The following CNTNAP2 variants were observed in gnomAD, a reference collection of about 807,000 sequenced individuals.
The protein encoded by CNTNAP2 is contactin-associated protein-like 2.
Under a neutral mutation model 155.2 loss-of-function variants are expected in CNTNAP2, and 98 were observed. That is an observed-to-expected ratio of 0.63 (90% confidence interval 0.54 to 0.75). The LOEUF is 0.75. CNTNAP2 is among the 30% of genes least tolerant of loss of function. CNTNAP2 has a pLI of 0.00. For missense variants in CNTNAP2, 1,727 were observed against 1,688.1 expected (o/e 1.02, Z -0.40); for synonymous variants, 651 against 631.2 (o/e 1.03, Z -0.47).
chr7:147,961,926 T>C (rs1285674549), intron 14 of CNTNAP2, among the ~76,000 whole-genome samples: 3 of 152,144 alleles, frequency 2.0e-5, no homozygotes, highest in Non-Finnish European at 4.4e-5. Flanking sequence ...ACTGTAGGAT[T>C]GCAATACTAG....
intron 9 of CNTNAP2, among the ~76,000 whole-genome samples, chr7:147,323,491 T>G: frequency 6.8e-6 from 1 of 147,592 alleles, no homozygotes. Flanking sequence ...GAGCTTTACT[T>G]CCGACTATGT....
At chr7:148,351,769 G>GAAAAAAAAAAAAA (rs1798431962) in intron 21 of CNTNAP2, among the ~76,000 whole-genome samples, 1 of 136,300 alleles carries the variant, frequency 7.3e-6, no homozygotes, top group African/African-American at 2.8e-5. Flanking sequence ...AATAGAAACC[G>GAAAAAAAAAAAAA]AGACTCACAG....
chr7:147,289,424 C>A (rs1010680569), intron 8 of CNTNAP2, among the ~76,000 whole-genome samples: 2 of 145,860 alleles, frequency 1.4e-5, no homozygotes, highest in African/African-American at 2.5e-5. Context: ...ACAGGAGAGA[C>A]AATTGGGGAG....
intron 10 of CNTNAP2, among the ~76,000 whole-genome samples, chr7:147,470,950 G>A (rs1173409325): frequency 2.0e-5 from 3 of 152,150 alleles, no homozygotes; most frequent in Admixed American, 2.0e-4. Context: ...TGAAGATTGA[G>A]CCGGCAGCAA....
chr7:146,259,337 A>C (rs915931691), intron 1 of CNTNAP2, among the ~76,000 whole-genome samples: 1 of 152,142 alleles, frequency 6.6e-6, no homozygotes, highest in Non-Finnish European at 1.5e-5. Context: ...TAACTTTGGA[A>C]CTGGGTAACA....
Position 147,541,132 on chromosome 7 carries a change from CAGTT to C in CNTNAP2, c.1778-21003_1778-21000del, listed in dbSNP as rs1799631773. Among the ~76,000 whole-genome samples the C allele has an allele frequency of 3.9e-5, 6 of 152,232 alleles. No individual in the cohort carries two copies. The South Asian group carries it at 1.2e-3, about 32-fold the overall frequency. On this transcript the variant is annotated intron_variant, in intron 11 of 23. Coordinates refer to ENST00000361727, the MANE Select transcript of CNTNAP2 (RefSeq NM_014141.6). ...ATACGATATAGGGGGAAGATGGTAA[CAGTT>C]AGAACACCCAAATTCTGGTCTGGTA...
intron 14 of CNTNAP2, among the ~76,000 whole-genome samples, chr7:147,960,024 C>A (rs1801088030): frequency 6.6e-6 from 1 of 152,126 alleles, no homozygotes; most frequent in Non-Finnish European, 1.5e-5. Context: ...TCGACTCTCT[C>A]CTTCCTTTAG....
At chr7:147,372,285 C>T (rs1368697937) in intron 9 of CNTNAP2, among the ~76,000 whole-genome samples, 1 of 152,134 alleles carries the variant, frequency 6.6e-6, no homozygotes, top group Non-Finnish European at 1.5e-5. Context: ...AGAGTAAAAA[C>T]AGCTTACCCT....
In CNTNAP2 at chr7:148,347,587, C is replaced by A. The variant is rs557289419; in HGVS notation, c.3476-36062C>A. ...CACCAAGATAATAAATTAGGCCTTT[C>A]AGAGCCAAAATTATATTATCTAGGG... On this transcript the variant is annotated intron_variant, in intron 21 of 23. Coordinates refer to ENST00000361727, the MANE Select transcript of CNTNAP2 (RefSeq NM_014141.6). 4.6e-5 allele frequency among the ~76,000 whole-genome samples: 7 copies of A among 152,108 alleles called. 1 individual carries two copies. The South Asian group carries it at 1.5e-3, about 32-fold the overall frequency.
chr7:146,989,042 A>G, intron 3 of CNTNAP2, among the ~76,000 whole-genome samples: 1 of 152,020 alleles, frequency 6.6e-6, no homozygotes, highest in Admixed American at 6.6e-5. Context: ...TGTCTGCCAG[A>G]TGTTTGCTTT....
chr7:146,815,771 T>TA (rs904151263), intron 2 of CNTNAP2, among the ~76,000 whole-genome samples: 37 of 152,102 alleles, frequency 2.4e-4, no homozygotes, highest in African/African-American at 8.2e-4. Flanking sequence ...CACTTTTTTT[T>TA]TATTATACTT....
At chr7:146,248,176 G>A (rs1457064946) in intron 1 of CNTNAP2, among the ~76,000 whole-genome samples, 3 of 152,026 alleles carry the variant, frequency 2.0e-5, no homozygotes, top group Admixed American at 6.6e-5. Context: ...GTCCGGGTGC[G>A]GAAATAAGGG....
intron 1 of CNTNAP2, among the ~76,000 whole-genome samples, chr7:146,143,995 C>A (rs1310029844): frequency 6.6e-6 from 1 of 152,166 alleles, no homozygotes; most frequent in African/African-American, 2.4e-5. Context: ...CTCCTGACTT[C>A]AGGTGATCCT....
intron 20 of CNTNAP2, among the ~76,000 whole-genome samples, chr7:148,255,968 G>A (rs1796447243): frequency 6.6e-6 from 1 of 152,144 alleles, no homozygotes; most frequent in African/African-American, 2.4e-5. Flanking sequence ...CCCCTTCTAA[G>A]TTTGTGAAAA....
In CNTNAP2 at chr7:147,047,491, T is replaced by C. The variant is rs576840686; in HGVS notation, c.550+3437T>C. Among the ~76,000 whole-genome samples, 19 of 152,252 alleles carry C rather than the reference T, an allele frequency of 1.2e-4. No individual in the cohort carries two copies. The South Asian group carries it at 3.9e-3, about 32-fold the overall frequency. ...ATTCCCATTTATCTATCTATTTATA[T>C]ATCTATCATCTATATAGCAATCATC... On this transcript the variant is annotated intron_variant, in intron 4 of 23. Transcript: ENST00000361727.
intron 1 of CNTNAP2, among the ~76,000 whole-genome samples, chr7:146,423,450 G>A (rs1390610590): frequency 2.6e-5 from 4 of 152,200 alleles, no homozygotes; most frequent in Admixed American, 6.5e-5. Flanking sequence ...GAAAATGTCA[G>A]AAGTTTTAGA....
chr7:146,296,865 A>G (rs1800522268), intron 1 of CNTNAP2, among the ~76,000 whole-genome samples: 3 of 152,106 alleles, frequency 2.0e-5, no homozygotes, highest in Non-Finnish European at 4.4e-5. Context: ...TAAAGTTCAG[A>G]TTTTCAGAAA....
At chr7:146,858,465 G>A (rs551525776) in intron 3 of CNTNAP2, among the ~76,000 whole-genome samples, 1 of 152,322 alleles carries the variant, frequency 6.6e-6, no homozygotes, top group African/African-American at 2.4e-5. Context: ...AGGCCAAGGC[G>A]AGAGGATCAC....
intron 1 of CNTNAP2, among the ~76,000 whole-genome samples, chr7:146,126,020 A>C (rs908770901): frequency 2.0e-5 from 3 of 152,000 alleles, no homozygotes; most frequent in African/African-American, 7.3e-5. Context: ...ATCAGGCACT[A>C]CTCTTTATGT....
Sources: allele counts gnomAD v4.1 joint callset (sites outside exome capture counted in the v4.1 genomes callset), GRCh38; gene constraint gnomAD v4.1.1; transcripts MANE v1.5; gene names NCBI Gene and HGNC (gene_info 2026-07-23, HGNC 2026-07-21).